MTSS1: variants seen among roughly 807,000 people sequenced by gnomAD.
MTSS1 encodes the protein MTSS I-BAR domain containing 1.
MTSS1 carries 18 observed loss-of-function variants against 79.0 expected under a neutral mutation model. That is an observed-to-expected ratio of 0.23 (90% CI 0.16 to 0.34). The LOEUF is 0.34. Among genes scored for constraint, MTSS1 ranks in the 10% least tolerant of loss-of-function variants. The probability of loss-of-function intolerance (pLI) is 1.00; values close to 1 mark genes in which losing one functional copy is unlikely to be tolerated. For synonymous variants in MTSS1, 341 were observed against 368.6 expected, an observed-to-expected ratio of 0.93 and a Z score of 0.86; for missense variants, 815 against 986.2, an observed-to-expected ratio of 0.83 and a Z score of 2.33.
rs114301475 is a variant in MTSS1, at chr8:124,593,623, G to A, written c.209-2388C>T. Reference sequence around the variant, plus strand: ...TTAAGGTTGCAGGAAGACGTACAGCGCTTAGGATGTGCCAGGCACTGCTGT... The same window carrying A: ...TTAAGGTTGCAGGAAGACGTACAGCACTTAGGATGTGCCAGGCACTGCTGT... On this transcript the variant is annotated intron_variant, in intron 3 of 13. Coordinates refer to ENST00000518547, the MANE Select transcript of MTSS1 (RefSeq NM_014751.6). Among the ~76,000 whole-genome samples, 337 of 152,288 alleles carry A rather than the reference G, an allele frequency of 2.2e-3. 1 individual carries two copies. Among genetic ancestry groups the A allele is most frequent in the African/African-American group, 7.4e-3 (309 of 41,548 alleles).
intron 3 of MTSS1, among the ~76,000 whole-genome samples, chr8:124,696,847 G>A (rs1048942576): frequency 9.3e-5 from 11 of 118,852 alleles, no homozygotes; most frequent in South Asian, 5.9e-4. Context: ...GCAAGAGTCC[G>A]TCTCAAAAAA....
At chr8:124,642,582 T>G (rs1587521868) in intron 3 of MTSS1, among the ~76,000 whole-genome samples, 1 of 150,984 alleles carries the variant, frequency 6.6e-6, no homozygotes, top group Non-Finnish European at 1.5e-5. Context: ...TCTTCTGGGT[T>G]TTTTCTTTTT....
At chr8:124,696,213 T>C (rs1008763729) in intron 3 of MTSS1, among the ~76,000 whole-genome samples, 1 of 152,014 alleles carries the variant, frequency 6.6e-6, no homozygotes, top group Non-Finnish European at 1.5e-5. Context: ...GTCTTGAACT[T>C]CTGATCTCAG....
At chr8:124,624,597 T>C (rs1475420037) in intron 3 of MTSS1, among the ~76,000 whole-genome samples, 1 of 151,752 alleles carries the variant, frequency 6.6e-6, no homozygotes, top group Non-Finnish European at 1.5e-5. Flanking sequence ...CACCTGGGAG[T>C]CCCACCAACA....
intron 3 of MTSS1, among the ~76,000 whole-genome samples, chr8:124,622,320 A>G (rs1813722472): frequency 6.6e-6 from 1 of 151,492 alleles, no homozygotes; most frequent in African/African-American, 2.4e-5. Context: ...GGGGTGGGGG[A>G]GGTGAAGGAG....
chr8:124,563,462 T>A (rs373091206), intron 9 of MTSS1: 57 of 182,218 alleles, frequency 3.1e-4, no homozygotes, highest in Middle Eastern at 2.5e-3. Flanking sequence ...ATGGACCATC[T>A]GGGTCCACAT....
chr8:124,601,880 T>A (rs1449086130), intron 3 of MTSS1, among the ~76,000 whole-genome samples: 1 of 152,204 alleles, frequency 6.6e-6, no homozygotes, highest in Admixed American at 6.5e-5. Flanking sequence ...AGGATTTTTT[T>A]ATTTTATAAG....
chr8:124,627,900 C>CATG (rs1815041512), intron 3 of MTSS1, among the ~76,000 whole-genome samples: 1 of 152,196 alleles, frequency 6.6e-6, no homozygotes, highest in African/African-American at 2.4e-5. Context: ...GTCGCGGTGG[C>CATG]TCACGCCTGT....
intron 3 of MTSS1, among the ~76,000 whole-genome samples, chr8:124,604,361 C>G (rs1388131650): frequency 1.3e-5 from 2 of 152,116 alleles, no homozygotes; most frequent in Non-Finnish European, 2.9e-5. Context: ...AATGTTCTTA[C>G]AACAAACACA....
chr8:124,567,253 T>G lies in MTSS1; in HGVS notation c.619-75A>C. 3.2e-6 allele frequency: 4 copies of G among 1,250,416 alleles called. No homozygotes were observed. In the Admixed American group the frequency reaches 5.3e-5, roughly 17 times the overall value. The allele number at this position is 1,250,416 out of a possible 1,614,324, so 77.5% of individuals were successfully genotyped here. ...CATCGCTCTAGTCCAATTGTTTTCA[T>G]TAGGGTCTCTGTATAACCCTTTCAG... is the stretch of plus-strand genomic sequence containing the variant. On this transcript the variant is annotated intron_variant, in intron 7 of 13. Transcript: ENST00000518547.
In MTSS1 at chr8:124,567,143, G is replaced by A; in HGVS notation, c.654C>T (p.His218=). ...TTAGATCTTCCGAGATGGTCTGAAG[G>A]TGGGTTATTTCCCCTAGCATTGAGA... The part of the protein sequence containing the change: ...EEISMLGEIT[H]LQTISEDLKS... Residue 218 remains histidine (H), a synonymous_variant, in exon 8 of 14, where the codon CAC becomes CAT. Transcript: ENST00000518547. 3 of 1,614,104 alleles carry A rather than the reference G, an allele frequency of 1.9e-6. No individual in the cohort carries two copies. The highest frequency in any genetic ancestry group is 1.7e-5 in the Admixed American group (1 of 60,028).
intron 3 of MTSS1, among the ~76,000 whole-genome samples, chr8:124,626,136 C>T (rs1432939939): frequency 6.6e-6 from 1 of 152,184 alleles, no homozygotes; most frequent in Non-Finnish European, 1.5e-5. Context: ...AATGAAAGGA[C>T]AAGACAAAGT....
At chr8:124,688,449 A>G (rs1273107430) in intron 3 of MTSS1, among the ~76,000 whole-genome samples, 2 of 152,154 alleles carry the variant, frequency 1.3e-5, no homozygotes, top group African/African-American at 4.8e-5. Flanking sequence ...AAGGCAATGT[A>G]AATGAATTGA....
intron 6 of MTSS1, 151 bp downstream of exon 6, chr8:124,584,936 G>T (rs919791969): frequency 1.5e-6 from 1 of 662,002 alleles, no homozygotes; most frequent in Admixed American, 2.6e-5. Context: ...TGCACTTTGA[G>T]AATGTGAACT....
intron 3 of MTSS1, among the ~76,000 whole-genome samples, chr8:124,596,120 C>T (rs996056826): frequency 1.3e-5 from 2 of 152,234 alleles, no homozygotes; most frequent in African/African-American, 4.8e-5. Context: ...AGTGATGTCC[C>T]TTAGCCACCA....
intron 3 of MTSS1, among the ~76,000 whole-genome samples, chr8:124,690,207 C>T (rs1827718813): frequency 6.6e-6 from 1 of 152,216 alleles, no homozygotes; most frequent in Non-Finnish European, 1.5e-5. Context: ...TTGATGAAGG[C>T]TGCCGAGGTT....
intron 3 of MTSS1, among the ~76,000 whole-genome samples, chr8:124,669,836 G>C (rs1157619199): frequency 6.6e-6 from 1 of 152,202 alleles, no homozygotes; most frequent in Non-Finnish European, 1.5e-5. Context: ...CCCTACACTA[G>C]ATAAAGGCAG....
In MTSS1 at chr8:124,714,666, T is replaced by A. The variant is rs539552617; in HGVS notation, c.73-10475A>T. 9.3e-4 allele frequency among the ~76,000 whole-genome samples: 141 copies of A among 152,280 alleles called. 1 individual carries two copies. Among genetic ancestry groups the A allele is most frequent in the Non-Finnish European group, 1.5e-3 (102 of 68,024 alleles). On this transcript the variant is annotated intron_variant, in intron 1 of 13. Coordinates refer to ENST00000518547, the MANE Select transcript of MTSS1 (RefSeq NM_014751.6). ...TTAGTAGAGATGGGGTTTCACTATG[T>A]TGGACAGGCTGGCCTTGAACTCCTG... is the stretch of plus-strand genomic sequence containing the variant.
rs572975222 is a variant in MTSS1 at position 124,674,767 on chromosome 8, G to A, written c.208+24759C>T. On this transcript the variant is annotated intron_variant, in intron 3 of 13. Transcript: ENST00000518547. ...GAGTCAGAGTCTTGCTCTGCCACCT[G>A]AGTTGGAGTGCAGTGGCACTCTCAA... is the stretch of plus-strand genomic sequence containing the variant. Among the ~76,000 whole-genome samples, 11 of 151,384 alleles carry A rather than the reference G, an allele frequency of 7.3e-5. No individual in the cohort carries two copies. In the South Asian group the frequency reaches 2.1e-3, roughly 29 times the overall value.
Sources: allele counts gnomAD v4.1 joint callset (sites outside exome capture counted in the v4.1 genomes callset), GRCh38; gene constraint gnomAD v4.1.1; transcripts MANE v1.5; gene names NCBI Gene and HGNC (gene_info 2026-07-23, HGNC 2026-07-21).